Variants in TRHDE observed in about 807,000 individuals in gnomAD.
TRHDE encodes the protein thyrotropin releasing hormone degrading enzyme, also known as thyrotropin-releasing hormone-degrading ectoenzyme.
TRHDE carries 72 observed loss-of-function variants against 125.7 expected under a neutral mutation model. The observed-to-expected ratio is 0.57, with a 90% confidence interval of 0.47 to 0.70. The LOEUF (loss-of-function observed/expected upper bound fraction) is 0.70, where lower values mean the gene tolerates loss of function less well. Ranked by LOEUF, TRHDE falls within the 30% of genes least tolerant of loss-of-function variation. TRHDE has a pLI of 0.00. For synonymous variants in TRHDE, 509 were observed against 509.1 expected (o/e 1.00, Z 0.00); for missense variants, 1,110 against 1,327.1 (o/e 0.84, Z 2.54).
In TRHDE at chr12:72,298,471, T is replaced by C. The variant is rs185304299; in HGVS notation, c.1188+11517T>C. On this transcript the variant is annotated intron_variant, in intron 2 of 18. Coordinates refer to ENST00000261180, the MANE Select transcript of TRHDE (RefSeq NM_013381.3). Reference sequence around the variant, plus strand: ...TTTTCTTTCTGGCTTCAGATTTGTTTTTATTTTTTGACTTTCTTCTTCTTT... The same window carrying C: ...TTTTCTTTCTGGCTTCAGATTTGTTCTTATTTTTTGACTTTCTTCTTCTTT... 6.7e-4 allele frequency among the ~76,000 whole-genome samples: 102 copies of C among 152,330 alleles called. No homozygotes were observed. In the Middle Eastern group the frequency reaches 0.017, roughly 25 times the overall value.
chr12:72,279,950 A>C (rs1282529554), intron 1 of TRHDE, among the ~76,000 whole-genome samples: 1 of 152,256 alleles, frequency 6.6e-6, no homozygotes, highest in Non-Finnish European at 1.5e-5. Flanking sequence ...CAAAGAAAGT[A>C]GTTCAAAAAC....
chr12:72,204,293 C>G (rs1877621020), intron 2 of TRHDE, among the ~76,000 whole-genome samples: 1 of 152,144 alleles, frequency 6.6e-6, no homozygotes, highest in Admixed American at 6.5e-5. Flanking sequence ...TTTCCTTCAT[C>G]TAATACCCTA....
intron 2 of TRHDE, among the ~76,000 whole-genome samples, chr12:72,116,054 T>C (rs1277282140): frequency 1.3e-5 from 2 of 152,082 alleles, no homozygotes; most frequent in South Asian, 2.1e-4. Flanking sequence ...ATGTTCCCCT[T>C]TCTGTGTCCA....
At chr12:72,549,952 C>T (rs1029593587) in intron 7 of TRHDE, among the ~76,000 whole-genome samples, 4 of 151,568 alleles carry the variant, frequency 2.6e-5, no homozygotes, top group African/African-American at 9.7e-5. Flanking sequence ...CTAAAAAACT[C>T]GTATTTTTAG....
chr12:72,428,668 A>G (rs1592437277), intron 3 of TRHDE, among the ~76,000 whole-genome samples: 1 of 152,134 alleles, frequency 6.6e-6, no homozygotes, highest in Non-Finnish European at 1.5e-5. Context: ...TGTACAATCA[A>G]ATGATTTTTG....
chr12:72,559,102 G>A (rs1034820352), intron 7 of TRHDE, among the ~76,000 whole-genome samples: 18 of 152,052 alleles, frequency 1.2e-4, no homozygotes, highest in East Asian at 1.9e-4. Flanking sequence ...CAAATATTAC[G>A]GTTTTCATGT....
At chr12:72,368,899 T>C (rs1429764501) in intron 2 of TRHDE, among the ~76,000 whole-genome samples, 2 of 152,282 alleles carry the variant, frequency 1.3e-5, no homozygotes, top group Admixed American at 1.3e-4. Context: ...TACCCTTGTG[T>C]ACACAGCTGG....
At chr12:72,637,087 C>T (rs1184317334) in intron 15 of TRHDE, among the ~76,000 whole-genome samples, 1 of 152,112 alleles carries the variant, frequency 6.6e-6, no homozygotes, top group Non-Finnish European at 1.5e-5. Flanking sequence ...GGTACCAGTT[C>T]CTCCTTGTAC....
At position 72,480,720 on chromosome 12, in the gene TRHDE, C is replaced by T. The variant is rs181079445; in HGVS notation, c.1584+7540C>T. Among the ~76,000 whole-genome samples, 294 of 151,908 alleles carry T rather than the reference C, an allele frequency of 1.9e-3. 2 individuals are homozygous for T. The highest frequency in any genetic ancestry group is 4.6e-3 in the Admixed American group (70 of 15,226). On this transcript the variant is annotated intron_variant, in intron 5 of 18. Coordinates refer to ENST00000261180, the MANE Select transcript of TRHDE (RefSeq NM_013381.3). ...CATCCTTTCTCATATCTAGAAATAC[C>T]GAGGGGAAAATGAACCTATTCATTC...
chr12:72,644,614 A>G (rs763155568), intron 15 of TRHDE, among the ~76,000 whole-genome samples: 2 of 152,232 alleles, frequency 1.3e-5, no homozygotes, highest in African/African-American at 4.8e-5. Context: ...CAGATCTGCC[A>G]TAGTCTAGCT....
chr12:72,596,642 G>C (rs937252195), intron 12 of TRHDE, among the ~76,000 whole-genome samples: 2 of 152,166 alleles, frequency 1.3e-5, no homozygotes, highest in Admixed American at 6.5e-5. Context: ...TCACAGAAGA[G>C]GTGGCAATTG....
chr12:72,368,857 T>C (rs1022583924), intron 2 of TRHDE, among the ~76,000 whole-genome samples: 6 of 152,170 alleles, frequency 3.9e-5, no homozygotes, highest in African/African-American at 1.4e-4. Context: ...ACCCTAATAG[T>C]GTTGAGTATC....
At chr12:72,114,972 T>C (rs1875408067) in intron 2 of TRHDE, among the ~76,000 whole-genome samples, 1 of 152,108 alleles carries the variant, frequency 6.6e-6, no homozygotes, top group African/African-American at 2.4e-5. Context: ...TTTGTGGGTA[T>C]ATAGCAGGTA....
chr12:72,381,395 GTTT>G (rs61184961), intron 3 of TRHDE, among the ~76,000 whole-genome samples: 2 of 137,962 alleles, frequency 1.4e-5, no homozygotes. Context: ...AGATACGAAA[GTTT>G]TTTTTTTTTT....
intron 2 of TRHDE, among the ~76,000 whole-genome samples, chr12:72,189,862 A>G (rs1877303216): frequency 6.6e-6 from 1 of 152,172 alleles, no homozygotes; most frequent in South Asian, 2.1e-4. Context: ...ACTTAGTCCT[A>G]TGAGCCTGCA....
intron 12 of TRHDE, among the ~76,000 whole-genome samples, chr12:72,600,662 A>G (rs1432802539): frequency 6.6e-6 from 1 of 151,992 alleles, no homozygotes; most frequent in East Asian, 1.9e-4. Flanking sequence ...TTTAAGTTGA[A>G]GCTAATGCTC....
At chr12:72,185,171 G>A (rs1877178499) in intron 2 of TRHDE, among the ~76,000 whole-genome samples, 1 of 152,218 alleles carries the variant, frequency 6.6e-6, no homozygotes, top group African/African-American at 2.4e-5. Context: ...CCCGGGCAAT[G>A]AGGGACTTAG....
chr12:72,561,701 G>A (rs1030192403), intron 7 of TRHDE, among the ~76,000 whole-genome samples: 39 of 152,304 alleles, frequency 2.6e-4, no homozygotes, highest in African/African-American at 9.4e-4. Context: ...CATTGAAATG[G>A]AGACAGATTG....
chr12:72,251,243 T>C (rs1878677659), intron 2 of TRHDE, among the ~76,000 whole-genome samples: 1 of 151,922 alleles, frequency 6.6e-6, no homozygotes, highest in Admixed American at 6.6e-5. Flanking sequence ...TACAGAACAG[T>C]CCCATCACCA....
Sources: allele counts gnomAD v4.1 joint callset (sites outside exome capture counted in the v4.1 genomes callset), GRCh38; gene constraint gnomAD v4.1.1; transcripts MANE v1.5; gene names NCBI Gene and HGNC (gene_info 2026-07-23, HGNC 2026-07-21).